HUWE1: variants seen among roughly 807,000 people sequenced by gnomAD.
The protein encoded by HUWE1 is HECT, UBA and WWE domain containing E3 ubiquitin protein ligase 1, also known as E3 ubiquitin-protein ligase HUWE1.
HUWE1 carries 18 observed loss-of-function variants against 299.4 expected under a neutral mutation model. That is an observed-to-expected ratio of 0.06 (90% CI 0.04 to 0.09). HUWE1 has a LOEUF of 0.09. Ranked by LOEUF, HUWE1 falls within the 10% of genes least tolerant of loss-of-function variation. The pLI is 1.00. For synonymous variants in HUWE1, 1,317 were observed against 1,286.1 expected (o/e 1.02, Z -0.51); for missense variants, 1,832 against 3,462.3 (o/e 0.53, Z 11.82).
intron 19 of HUWE1, among the ~76,000 whole-genome samples, chrX:53,624,119 C>T (rs2066324168): frequency 9.0e-6 from 1 of 111,445 alleles, no homozygotes; most frequent in Non-Finnish European, 1.9e-5. Context: ...TGTTTTATAT[C>T]CTTGCAGGAT....
intron 67 of HUWE1, 55 bp from the exon 68 acceptor site, chrX:53,548,328 C>A: frequency 8.5e-7 from 1 of 1,173,322 alleles, no homozygotes; most frequent in Non-Finnish European, 1.2e-6. Context: ...AGAGGATGAG[C>A]CTTCCTGATA....
intron 60 of HUWE1, among the ~76,000 whole-genome samples, chrX:53,555,448 C>T (rs1203070725): frequency 9.1e-6 from 1 of 109,360 alleles, no homozygotes; most frequent in Non-Finnish European, 1.9e-5. Flanking sequence ...ACCTCAGCCT[C>T]CCAAGTAGCT....
At chrX:53,577,443 T>C (rs1602763305) in intron 43 of HUWE1, among the ~76,000 whole-genome samples, 1 of 93,626 alleles carries the variant, frequency 1.1e-5, no homozygotes, top group Non-Finnish European at 2.1e-5. Flanking sequence ...TTCATCCCCT[T>C]CCCAACGTTT....
intron 18 of HUWE1, among the ~76,000 whole-genome samples, 176 bp from the exon 19 acceptor site, chrX:53,624,851 GCTTT>G (rs1189991736): frequency 1.8e-5 from 2 of 111,761 alleles, no homozygotes; most frequent in Non-Finnish European, 3.8e-5. Context: ...CATGCAATAG[GCTTT>G]CTAACACGGG....
intron 56 of HUWE1, 61 bp downstream of exon 56, chrX:53,560,127 T>TA (rs1454718670): frequency 1.0e-6 from 1 of 963,461 alleles, no homozygotes; most frequent in Admixed American, 2.6e-5. Flanking sequence ...AAGACAATGC[T>TA]AAAGCACAGT....
intron 31 of HUWE1, 75 bp from the exon 32 acceptor site, chrX:53,593,676 C>T (rs1205307009): frequency 1.3e-6 from 1 of 755,181 alleles, no homozygotes; most frequent in Non-Finnish European, 2.1e-6. Flanking sequence ...TCTAAAAGGT[C>T]CCCAATCTCT....
intron 23 of HUWE1, 78 bp downstream of exon 23, chrX:53,614,454 GAA>G: frequency 1.4e-6 from 1 of 710,598 alleles, no homozygotes. Context: ...TTTTATAGAT[GAA>G]AGTGTTCATT....
At chrX:53,600,009 A>G in intron 29 of HUWE1, 109 bp downstream of exon 29, 1 of 719,559 alleles carries the variant, frequency 1.4e-6, no homozygotes, top group East Asian at 3.2e-5. Context: ...AATGAGTCAC[A>G]GAAGTTTTAA....
At chrX:53,582,388 ATG>A (rs2063664415) in intron 42 of HUWE1, among the ~76,000 whole-genome samples, 2 of 112,342 alleles carry the variant, frequency 1.8e-5, no homozygotes, top group African/African-American at 3.2e-5. Context: ...GATTTGGCAC[ATG>A]TGAGGTGAAA....
chrX:53,573,465 G>A (rs187817668), intron 47 of HUWE1, among the ~76,000 whole-genome samples: 5 of 112,028 alleles, frequency 4.5e-5, no homozygotes, highest in Admixed American at 9.4e-5. Flanking sequence ...CACCACGCCT[G>A]GCTAATTTCT....
rs2062445311 is a variant in HUWE1 at position 53,564,716 on chromosome X, G to C, written c.6887C>G (p.Pro2296Arg). 8.3e-7 allele frequency: 1 copy of C among 1,211,838 alleles called. No individual in the cohort carries two copies. Among genetic ancestry groups the C allele is most frequent in the Non-Finnish European group, 1.1e-6 (1 of 895,580 alleles). ...CTCCTCCTGCACTTCTGCTTCCCCA[G>C]GCTCGCCTGAAACAATCAACCAACC... ...SSSNQQDPGE[P>R]GEAEVQEEDH... Residue 2296 changes from proline to arginine, a missense_variant, in exon 51 of 84, where the codon CCT becomes CGT. This residue lies in a region of HUWE1 where 170 missense variants were observed against 335.8 expected (regional missense o/e 0.51). Coordinates refer to ENST00000262854, the MANE Select transcript of HUWE1 (RefSeq NM_031407.7).
intron 2 of HUWE1, among the ~76,000 whole-genome samples, chrX:53,685,333 T>A (rs1325600465): frequency 1.4e-4 from 16 of 112,166 alleles, no homozygotes; most frequent in Non-Finnish European, 5.6e-5. Context: ...AAAATGGACA[T>A]CACTAAAATA....
Position 53,575,762 on chromosome X carries a change from C to A in HUWE1, c.5911G>T (p.Val1971Phe). 1 of 1,211,501 alleles carries A rather than the reference C, an allele frequency of 8.3e-7. No individual in the cohort carries two copies. Among genetic ancestry groups the A allele is most frequent in the Non-Finnish European group, 1.1e-6 (1 of 895,117 alleles). Residue 1971 changes from valine to phenylalanine, a missense_variant, in exon 45 of 84, where the codon GTT (valine) becomes TTT (phenylalanine). By Grantham distance (50) the Val-to-Phe change is conservative. Transcript: ENST00000262854. ...AGCTGGCCAACCTCTTGGGTCATAA[C>A]CCCAGGTTTAGGATCAGATTTATCT... The part of the protein sequence containing the change: ...EADKSDPKPG[V>F]MTQEVGQLLQ...
At chrX:53,542,979 C>T (rs2061413030) in intron 73 of HUWE1, 1 of 123,137 alleles carries the variant, frequency 8.1e-6, no homozygotes, top group Non-Finnish European at 1.6e-5. Context: ...ATTAGAGCAA[C>T]CTCTCATGAG....
At chrX:53,613,326 C>T (rs1041601428) in intron 23 of HUWE1, among the ~76,000 whole-genome samples, 19 of 111,485 alleles carry the variant, frequency 1.7e-4, no homozygotes, top group African/African-American at 5.9e-4. Flanking sequence ...ATACCAGTTT[C>T]GGATTCTAGG....
At chrX:53,584,415 A>G (rs1460954852) in intron 40 of HUWE1, 70 bp from the exon 41 acceptor site, 7 of 873,980 alleles carry the variant, frequency 8.0e-6, no homozygotes, top group Middle Eastern at 2.9e-4. Context: ...GAGGGGAGGG[A>G]CATCTCCCAG....
Position 53,558,599 on chromosome X carries a change from A to T in HUWE1, c.8160+56T>A, listed in dbSNP as rs2062143376. ...ATTCCTGGTGCCATGTGTATGCCAAAACCACATTACGGCAGACACAGTCAA... is the reference window on the plus strand; with the variant it reads ...ATTCCTGGTGCCATGTGTATGCCAATACCACATTACGGCAGACACAGTCAA... On this transcript the variant is annotated intron_variant, in intron 59 of 83. Transcript: ENST00000262854. 3 of 1,145,752 alleles carry T rather than the reference A, an allele frequency of 2.6e-6. No homozygotes were observed. The Admixed American group carries it at 6.5e-5, about 25-fold the overall frequency. The allele number at this position is 1,145,752 out of a possible 1,213,427, so 94.4% of individuals were successfully genotyped here.
At chrX:53,665,893 A>C (rs1339543475) in intron 3 of HUWE1, among the ~76,000 whole-genome samples, 1 of 111,663 alleles carries the variant, frequency 9.0e-6, no homozygotes, top group Non-Finnish European at 1.9e-5. Context: ...GCACTTTGGA[A>C]GCCTGAGGTG....
At chrX:53,617,531 C>T in intron 19 of HUWE1, 85 bp from the exon 20 acceptor site, 1 of 579,011 alleles carries the variant, frequency 1.7e-6, no homozygotes, top group Non-Finnish European at 3.0e-6. Flanking sequence ...AAAAAAAATA[C>T]ATACTCAATG....
Sources: allele counts gnomAD v4.1 joint callset (sites outside exome capture counted in the v4.1 genomes callset), GRCh38; gene constraint gnomAD v4.1.1; regional missense constraint gnomAD v4.1.1; transcripts MANE v1.5; gene names NCBI Gene and HGNC (gene_info 2026-07-23, HGNC 2026-07-21).